Variants in EPB41L5 observed in about 807,000 individuals in gnomAD.
EPB41L5 encodes the protein erythrocyte membrane protein band 4.1 like 5.
Under a neutral mutation model 106.6 loss-of-function variants are expected in EPB41L5, and 55 were observed. That is an observed-to-expected ratio of 0.52 (90% CI 0.42 to 0.65). The LOEUF is 0.65. EPB41L5 is among the 30% of genes least tolerant of loss of function. The pLI is 0.00. For synonymous variants in EPB41L5, 297 were observed against 306.7 expected, an observed-to-expected ratio of 0.97 and a Z score of 0.33; for missense variants, 871 against 882.1, an observed-to-expected ratio of 0.99 and a Z score of 0.16.
intron 3 of EPB41L5, 131 bp downstream of exon 3, chr2:120,042,241 C>T (rs1265284185): frequency 1.9e-6 from 1 of 539,626 alleles, no homozygotes; most frequent in Non-Finnish European, 3.2e-6. Context: ...ACCGCTCCCT[C>T]CCCCCACCTC....
At chr2:120,123,850 GT>G (rs2105454529) in intron 16 of EPB41L5, among the ~76,000 whole-genome samples, 1 of 151,782 alleles carries the variant, frequency 6.6e-6, no homozygotes, top group Non-Finnish European at 1.5e-5. Flanking sequence ...TAGAGATGGG[GT>G]TTTGCCATGT....
At chr2:120,138,121 A>G (rs1006087685) in intron 18 of EPB41L5, among the ~76,000 whole-genome samples, 10 of 152,204 alleles carry the variant, frequency 6.6e-5, no homozygotes, top group African/African-American at 1.9e-4. Flanking sequence ...GATCATTTCA[A>G]TTGATGCTGA....
chr2:120,165,787 G>A (rs954460111), intron 22 of EPB41L5, among the ~76,000 whole-genome samples: 1 of 152,012 alleles, frequency 6.6e-6, no homozygotes, highest in East Asian at 1.9e-4. Context: ...GGCCAACATG[G>A]TGAAACCCTG....
chr2:120,176,043 C>G lies in EPB41L5; in HGVS notation c.*1136C>G, dbSNP rs951526866. Reference sequence around the variant, plus strand: ...AAAGAGATCTCTAAAACTTCCCCATCCCTTTGGGCCTGTACAAAGAAATTC... The same window carrying G: ...AAAGAGATCTCTAAAACTTCCCCATGCCTTTGGGCCTGTACAAAGAAATTC... On this transcript the variant is annotated 3_prime_UTR_variant, in exon 25 of 25. Coordinates refer to ENST00000263713, the MANE Select transcript of EPB41L5 (RefSeq NM_020909.4). 6.6e-6 allele frequency: 1 copy of G among 152,582 alleles called. No individual in the cohort carries two copies. Among genetic ancestry groups the G allele is most frequent in the Non-Finnish European group, 1.5e-5 (1 of 68,032 alleles). 9.5% of individuals were successfully genotyped at this position (152,582 alleles called of 1,614,324 possible).
chr2:120,164,301 G>C (rs1687294445), intron 21 of EPB41L5, among the ~76,000 whole-genome samples: 1 of 152,048 alleles, frequency 6.6e-6, no homozygotes, highest in Admixed American at 6.6e-5. Context: ...TGCAGCCTCT[G>C]TCTCCTGGGC....
In EPB41L5 at chr2:120,146,242, C is replaced by T. The variant is rs1686397231; in HGVS notation, c.1746C>T (p.Ser582=). 1 of 1,605,262 alleles carries T rather than the reference C, an allele frequency of 6.2e-7. No individual in the cohort carries two copies. Residue 582 remains serine, a synonymous_variant, in exon 20 of 25, where the codon AGC becomes AGT. Coordinates refer to ENST00000263713, the MANE Select transcript of EPB41L5 (RefSeq NM_020909.4). ...TTTCTTAGGTTACAAAAGAAGATAGCTTATTAAGTCATAAAAATGCCAATG... is the reference window on the plus strand; with the variant it reads ...TTTCTTAGGTTACAAAAGAAGATAGTTTATTAAGTCATAAAAATGCCAATG... The part of the protein sequence containing the change: ...EAVHKVTKED[S]LLSHKNANVQ...
At chr2:120,141,014 A>G (rs1308706770) in intron 18 of EPB41L5, among the ~76,000 whole-genome samples, 1 of 152,032 alleles carries the variant, frequency 6.6e-6, no homozygotes, top group African/African-American at 2.4e-5. Flanking sequence ...TTAGCCAGCA[A>G]CCTAATCTTA....
At chr2:120,095,439 T>G (rs1683684484) in intron 14 of EPB41L5, among the ~76,000 whole-genome samples, 1 of 152,080 alleles carries the variant, frequency 6.6e-6, no homozygotes. Flanking sequence ...CTCATTAACA[T>G]GTAAGTTGTT....
chr2:120,098,193 G>GTGT (rs1683893452), intron 14 of EPB41L5, among the ~76,000 whole-genome samples: 1 of 8,000 alleles, frequency 1.3e-4, no homozygotes, highest in Non-Finnish European at 3.9e-4. Flanking sequence ...TGTGTGTTTT[G>GTGT]GTGGGGTGGG....
At chr2:120,059,304 A>G (rs1277072404) in intron 3 of EPB41L5, among the ~76,000 whole-genome samples, 1 of 152,180 alleles carries the variant, frequency 6.6e-6, no homozygotes, top group Non-Finnish European at 1.5e-5. Flanking sequence ...CTTGACCTAA[A>G]CCTTATACCT....
chr2:120,076,470 C>CTTTTTTTT (rs35333671), intron 7 of EPB41L5, among the ~76,000 whole-genome samples: 2 of 58,882 alleles, frequency 3.4e-5, no homozygotes, highest in East Asian at 6.2e-4. Context: ...AATTTTTGTA[C>CTTTTTTTT]TTTTTTTTTT....
intron 2 of EPB41L5, among the ~76,000 whole-genome samples, chr2:120,026,447 C>T (rs189157620): frequency 1.2e-4 from 18 of 152,274 alleles, no homozygotes; most frequent in African/African-American, 3.9e-4. Flanking sequence ...CAGCTTACTG[C>T]GATCTCTGCC....
At chr2:120,151,307 AAT>A (rs1686663010) in intron 20 of EPB41L5, among the ~76,000 whole-genome samples, 8 of 151,644 alleles carry the variant, frequency 5.3e-5, no homozygotes, top group Non-Finnish European at 1.0e-4. Context: ...CTCAAAAAAT[AAT>A]AATAATAATA....
At position 120,086,536 on chromosome 2, in the gene EPB41L5, C is replaced by T. The variant is rs374113068; in HGVS notation, c.804-635C>T. Among the ~76,000 whole-genome samples, 9 of 151,970 alleles carry T rather than the reference C, an allele frequency of 5.9e-5. No individual in the cohort carries two copies. In the East Asian group the frequency reaches 7.7e-4, roughly 13 times the overall value. ...CAACACTTTGGGAGACCAGGGTATG[C>T]GGATCACTTGAGCCCAGGAATTTGA... On this transcript the variant is annotated intron_variant, in intron 10 of 24. Coordinates refer to ENST00000263713, the MANE Select transcript of EPB41L5 (RefSeq NM_020909.4).
At chr2:120,149,929 C>CT (rs1686594017) in intron 20 of EPB41L5, among the ~76,000 whole-genome samples, 1 of 134,650 alleles carries the variant, frequency 7.4e-6, no homozygotes. Flanking sequence ...GGGTCTTGCT[C>CT]TGTCACCCAG....
intron 21 of EPB41L5, among the ~76,000 whole-genome samples, chr2:120,162,842 T>C (rs1687193720): frequency 6.6e-6 from 1 of 152,028 alleles, no homozygotes; most frequent in African/African-American, 2.4e-5. Flanking sequence ...GGCAGCAGGG[T>C]GGGAAGATGC....
intron 3 of EPB41L5, among the ~76,000 whole-genome samples, chr2:120,049,055 A>T (rs974389116): frequency 6.6e-6 from 1 of 152,100 alleles, no homozygotes; most frequent in African/African-American, 2.4e-5. Context: ...ATTCCTTTAC[A>T]TTTGCCGAGG....
chr2:120,065,515 CTTT>C (rs11373500), intron 3 of EPB41L5, among the ~76,000 whole-genome samples: 4 of 139,918 alleles, frequency 2.9e-5, no homozygotes, highest in African/African-American at 5.3e-5. Flanking sequence ...TTAGATTGTT[CTTT>C]TTTTTTTTTT....
chr2:120,014,750 C>T (rs1330957485), intron 1 of EPB41L5, among the ~76,000 whole-genome samples: 3 of 152,004 alleles, frequency 2.0e-5, no homozygotes, highest in Non-Finnish European at 4.4e-5. Flanking sequence ...TCCGGCCGAG[C>T]AGCAAGAGTA....
Sources: allele counts gnomAD v4.1 joint callset (sites outside exome capture counted in the v4.1 genomes callset), GRCh38; gene constraint gnomAD v4.1.1; transcripts MANE v1.5; gene names NCBI Gene and HGNC (gene_info 2026-07-23, HGNC 2026-07-21).